Variants in RLF observed in about 807,000 individuals in gnomAD.
The protein encoded by RLF is zinc finger protein Rlf.
In RLF, 7 loss-of-function variants were observed where a neutral mutation model predicts 162.9. The observed-to-expected ratio is 0.04, with a 90% confidence interval of 0.02 to 0.08. RLF has a LOEUF of 0.08. Among genes scored for constraint, RLF ranks in the 10% least tolerant of loss-of-function variants. The pLI is 1.00. For synonymous variants in RLF, 782 were observed against 791.5 expected (o/e 0.99, Z 0.20); for missense variants, 1,664 against 2,244.7 (o/e 0.74, Z 5.23).
chr1:40,219,333 A>T (rs1308885289), intron 5 of RLF, among the ~76,000 whole-genome samples: 5 of 152,170 alleles, frequency 3.3e-5, no homozygotes, highest in African/African-American at 9.7e-5. Context: ...TCATGTGAAG[A>T]TCCTAAAACA....
intron 5 of RLF, among the ~76,000 whole-genome samples, chr1:40,208,932 G>T (rs973814686): frequency 6.6e-6 from 1 of 152,198 alleles, no homozygotes; most frequent in Non-Finnish European, 1.5e-5. Flanking sequence ...TAAATCCAAG[G>T]TGATCTGCCT....
chr1:40,238,980 C>T lies in RLF; in HGVS notation c.4278C>T (p.His1426=), dbSNP rs540281299. 3.1e-4 allele frequency: 493 copies of T among 1,614,144 alleles called. 7 individuals are homozygous for T. In the South Asian group the frequency reaches 5.1e-3, roughly 17 times the overall value. ...TTTATACATTCAACAAGTTGAAGCA[C>T]CACTTGATGGAACAGCATAATATTG... The part of the protein sequence containing the change: ...AVFYTFNKLK[H]HLMEQHNIEG... Residue 1426 remains histidine (H), a synonymous_variant, in exon 8 of 8, where the codon CAC becomes CAT. Coordinates refer to ENST00000372771, the MANE Select transcript of RLF (RefSeq NM_012421.4). This position sits in a 1 kb window ranked among gnomAD's most constrained non-coding sequence, Gnocchi z 5.2.
Position 40,194,528 on chromosome 1 carries a change from T to G in RLF, c.475-1104T>G, listed in dbSNP as rs545523184. 1.0e-3 allele frequency among the ~76,000 whole-genome samples: 155 copies of G among 150,884 alleles called. 1 individual carries two copies. Among genetic ancestry groups the G allele is most frequent in the African/African-American group, 3.6e-3 (147 of 41,082 alleles). On this transcript the variant is annotated intron_variant, in intron 3 of 7. Coordinates refer to ENST00000372771, the MANE Select transcript of RLF (RefSeq NM_012421.4). ...GGTGGCAGGCGCCTGTAATCCCAGC[T>G]ACTTGGGAGATTGAGGCAGGAGAAT...
chr1:40,231,468 C>A, intron 6 of RLF, 49 bp from the exon 7 acceptor site: 1 of 1,573,048 alleles, frequency 6.4e-7, no homozygotes, highest in African/African-American at 1.4e-5. Context: ...GGCAGGGCAG[C>A]AAATACCAGT....
intron 1 of RLF, among the ~76,000 whole-genome samples, chr1:40,162,694 CCTCT>C (rs965177699): frequency 6.6e-6 from 1 of 152,088 alleles, no homozygotes; most frequent in Non-Finnish European, 1.5e-5. Flanking sequence ...GCTTTTCTTC[CCTCT>C]CTCTGCCGAG....
At chr1:40,175,784 CA>C (rs767336748) in intron 1 of RLF, among the ~76,000 whole-genome samples, 949 of 91,792 alleles carry the variant, frequency 0.01, 7 homozygotes, top group African/African-American at 0.032. Flanking sequence ...GACTCCATCT[CA>C]AAAAAAAAAA....
intron 1 of RLF, among the ~76,000 whole-genome samples, chr1:40,185,865 A>C (rs1408079065): frequency 1.1e-3 from 121 of 107,866 alleles, no homozygotes; most frequent in South Asian, 2.2e-3. Context: ...AAAAAAAAAA[A>C]CCACAAAGGC....
Position 40,236,145 on chromosome 1 carries a change from A to C in RLF, c.1443A>C (p.Gln481His), listed in dbSNP as rs779972787. The change falls in exon 8 of 8, where the codon CAA becomes CAC. Residue 481 changes from glutamine to histidine, a missense_variant. By Grantham distance (24) the Gln-to-His change is conservative. Around this residue, in one of 15 missense-constraint regions of RLF, gnomAD observed 54 missense variants for 71.7 expected, o/e 0.75. Coordinates refer to ENST00000372771, the MANE Select transcript of RLF (RefSeq NM_012421.4). The surrounding 1 kb of genome is among the most constrained non-coding windows in gnomAD (Gnocchi z 7.7). Reference sequence around the variant, plus strand: ...AAACTTTAAAACGACACTGCCACCAACTTTTAGGACAAGAAGCCTCAGATT... The same window carrying C: ...AAACTTTAAAACGACACTGCCACCACCTTTTAGGACAAGAAGCCTCAGATT... ...DWKTLKRHCH[Q>H]LLGQEASDSD... 1.2e-6 allele frequency: 2 copies of C among 1,613,970 alleles called. No individual in the cohort carries two copies. Among genetic ancestry groups the C allele is most frequent in the Non-Finnish European group, 1.7e-6 (2 of 1,179,974 alleles).
chr1:40,188,400 A>G (rs1487674838), intron 1 of RLF, among the ~76,000 whole-genome samples: 1 of 152,218 alleles, frequency 6.6e-6, no homozygotes, highest in Non-Finnish European at 1.5e-5. Context: ...GGAATAGGGT[A>G]CCCTGTGTGG....
chr1:40,223,888 GGCA>G (rs1643028418), intron 6 of RLF, among the ~76,000 whole-genome samples: 1 of 152,178 alleles, frequency 6.6e-6, no homozygotes, highest in African/African-American at 2.4e-5. Flanking sequence ...TTGTTTTCTT[GGCA>G]TAGGCCAAAA....
intron 7 of RLF, among the ~76,000 whole-genome samples, chr1:40,235,405 T>A (rs1018528619): frequency 6.6e-6 from 1 of 152,206 alleles, no homozygotes; most frequent in African/African-American, 2.4e-5. Flanking sequence ...TATACCTGTG[T>A]TTCCTGTTGC....
intron 4 of RLF, among the ~76,000 whole-genome samples, chr1:40,198,911 A>G (rs1038398927): frequency 2.6e-5 from 4 of 152,236 alleles, no homozygotes; most frequent in African/African-American, 9.6e-5. Flanking sequence ...TCAAAGATTG[A>G]TATCTTCAAA....
intron 1 of RLF, among the ~76,000 whole-genome samples, chr1:40,182,753 G>GTAGGTAGA (rs144667492): frequency 0.037 from 5,435 of 148,854 alleles, 138 homozygotes; most frequent in Admixed American, 0.073. Context: ...AGATAGATAG[G>GTAGGTAGA]TAGATAGATA....
intron 7 of RLF, among the ~76,000 whole-genome samples, chr1:40,233,953 A>G (rs77974387): frequency 3.0e-3 from 451 of 151,966 alleles, no homozygotes; most frequent in African/African-American, 9.9e-3. Context: ...CAGGCCAAAT[A>G]TCTTCTTTTT....
intron 1 of RLF, among the ~76,000 whole-genome samples, chr1:40,178,642 TTTTTTTGGAGAGATGGGATCTTGCTATG>T (rs1557739823): frequency 6.7e-6 from 1 of 148,638 alleles, no homozygotes; most frequent in African/African-American, 2.5e-5. Flanking sequence ...GTTTTTTTTT[TTTTTTTGGAGAGATGGGATCTTGCTATG>T]GTCTTTTTTG....
intron 4 of RLF, among the ~76,000 whole-genome samples, chr1:40,200,885 C>CACACAG (rs1642703778): frequency 3.1e-5 from 3 of 96,442 alleles, no homozygotes; most frequent in Admixed American, 1.0e-4. Context: ...CACACACACA[C>CACACAG]ACACACACAC....
At chr1:40,163,472 C>T (rs567159328) in intron 1 of RLF, among the ~76,000 whole-genome samples, 1 of 152,218 alleles carries the variant, frequency 6.6e-6, no homozygotes, top group East Asian at 1.9e-4. Context: ...TGCTTTATGT[C>T]TAGTGCTTGC....
intron 6 of RLF, among the ~76,000 whole-genome samples, chr1:40,227,951 C>T (rs1025833315): frequency 3.3e-5 from 5 of 151,764 alleles, no homozygotes; most frequent in Non-Finnish European, 7.4e-5. Flanking sequence ...TGCAGTAAGC[C>T]GATATCGCAC....
At chr1:40,163,242 G>A (rs1642121272) in intron 1 of RLF, among the ~76,000 whole-genome samples, 1 of 152,180 alleles carries the variant, frequency 6.6e-6, no homozygotes, top group African/African-American at 2.4e-5. Context: ...GTGAAGGTCT[G>A]GGGTGGGGAA....
Sources: gnomAD v4.1 joint callset for allele counts (sites outside exome capture counted in the v4.1 genomes callset) on GRCh38, gnomAD v4.1.1 for gene constraint, gnomAD v4.1.1 regional missense constraint, Gnocchi (gnomAD v3.1) non-coding constraint, MANE v1.5 for transcripts, NCBI Gene and HGNC (gene_info 2026-07-23, HGNC 2026-07-21) for gene names.